The following WASF3 variants were observed in gnomAD, a reference collection of about 807,000 sequenced individuals.
WASF3 encodes the protein WASP family member 3.
In WASF3, 11 loss-of-function variants were observed where a neutral mutation model predicts 46.6. The observed-to-expected ratio is 0.24, with a 90% CI of 0.15 to 0.39. The LOEUF (loss-of-function observed/expected upper bound fraction) is 0.39. Among genes scored for constraint, WASF3 ranks in the 10% least tolerant of loss-of-function variants. WASF3 has a pLI of 1.00. For synonymous variants in WASF3, 242 were observed against 259.7 expected (o/e 0.93, Z 0.65); for missense variants, 576 against 669.8 (o/e 0.86, Z 1.55).
intron 5 of WASF3, among the ~76,000 whole-genome samples, chr13:26,671,303 G>A (rs747291684): frequency 6.6e-6 from 1 of 152,158 alleles, no homozygotes; most frequent in Non-Finnish European, 1.5e-5. Flanking sequence ...AAGTTTCTGT[G>A]TAGGTTACTT....
intron 2 of WASF3, among the ~76,000 whole-genome samples, chr13:26,615,667 A>G (rs571638963): frequency 5.3e-5 from 8 of 152,286 alleles, no homozygotes; most frequent in African/African-American, 1.9e-4. Flanking sequence ...AACTATGCTT[A>G]TTTAAAATGT....
chr13:26,575,080 C>T (rs1055098939), intron 1 of WASF3, among the ~76,000 whole-genome samples: 1 of 152,148 alleles, frequency 6.6e-6, no homozygotes, highest in Admixed American at 6.5e-5. Flanking sequence ...TTGTGATCCG[C>T]CCACCTTGGC....
rs141042895 is a variant in WASF3 at position 26,624,661 on chromosome 13, C to T, written c.-11+11603C>T. On this transcript the variant is annotated intron_variant, in intron 2 of 9. Coordinates refer to ENST00000335327, the MANE Select transcript of WASF3 (RefSeq NM_006646.6). The stretch of plus-strand genomic sequence containing the variant: ...AGGATTTTTTTTTTTAAGAACCCTC[C>T]AAGTTCTAGAAACACTGGAATCAAG... Among the ~76,000 whole-genome samples the T allele has an allele frequency of 6.6e-5, 10 of 152,010 alleles. No homozygotes were observed. In the East Asian group the frequency reaches 1.9e-3, roughly 29 times the overall value.
chr13:26,555,085 T>A (rs947163526), upstream of WASF3, among the ~76,000 whole-genome samples: 1 of 152,244 alleles, frequency 6.6e-6, no homozygotes, highest in Non-Finnish European at 1.5e-5. Flanking sequence ...TTAGCTTTTT[T>A]ATTTTAGCCA....
chr13:26,577,414 GA>G, intron 1 of WASF3: 1 of 787,618 alleles, frequency 1.3e-6, no homozygotes, highest in Admixed American at 1.7e-5. Flanking sequence ...GGGAGGTGCA[GA>G]AAAATGACTT....
chr13:26,568,094 A>G (rs1475605474), intron 1 of WASF3, among the ~76,000 whole-genome samples: 10 of 152,094 alleles, frequency 6.6e-5, no homozygotes, highest in Non-Finnish European at 1.0e-4. Flanking sequence ...CAGAGGTATT[A>G]AAGGGCCAGA....
intron 1 of WASF3, among the ~76,000 whole-genome samples, chr13:26,582,964 A>G (rs1024288879): frequency 2.0e-5 from 3 of 152,206 alleles, no homozygotes; most frequent in African/African-American, 7.2e-5. Flanking sequence ...TTGAGAGAAT[A>G]ATTAGTCAAT....
At chr13:26,653,763 G>A (rs1267392259) in intron 3 of WASF3, among the ~76,000 whole-genome samples, 1 of 152,174 alleles carries the variant, frequency 6.6e-6, no homozygotes, top group African/African-American at 2.4e-5. Context: ...TGCTGATGAT[G>A]TTCAAATGTG....
chr13:26,594,529 G>A (rs1880401793), intron 1 of WASF3, among the ~76,000 whole-genome samples: 1 of 152,172 alleles, frequency 6.6e-6, no homozygotes, highest in Non-Finnish European at 1.5e-5. Context: ...AGTGGCCTAA[G>A]CTTACTACCG....
chr13:26,547,900 G>A, the WASF3 span, among the ~76,000 whole-genome samples: 1 of 152,174 alleles, frequency 6.6e-6, no homozygotes, highest in Non-Finnish European at 1.5e-5. Context: ...GGCCTGTTGG[G>A]TGAGTTAATA....
intron 1 of WASF3, among the ~76,000 whole-genome samples, chr13:26,597,807 A>G (rs1880519741): frequency 6.6e-6 from 1 of 152,098 alleles, no homozygotes. Context: ...GTCATTTTTT[A>G]TGGCTGCATA....
the WASF3 span, among the ~76,000 whole-genome samples, chr13:26,546,064 C>T: frequency 3.9e-5 from 6 of 152,120 alleles, no homozygotes; most frequent in East Asian, 1.9e-4. Context: ...TGCTTCTTTT[C>T]TTTAAAATTT....
At chr13:26,562,325 C>T (rs568219220) in intron 1 of WASF3, among the ~76,000 whole-genome samples, 1 of 152,142 alleles carries the variant, frequency 6.6e-6, no homozygotes, top group East Asian at 1.9e-4. Flanking sequence ...GCAGGCAGGG[C>T]GTGCTCAGCT....
At chr13:26,668,532 T>G (rs1882838169) in intron 5 of WASF3, among the ~76,000 whole-genome samples, 1 of 152,250 alleles carries the variant, frequency 6.6e-6, no homozygotes, top group Non-Finnish European at 1.5e-5. Flanking sequence ...AGTTCTCCAC[T>G]TCCATTACTA....
At chr13:26,640,830 T>C (rs1157180158) in intron 2 of WASF3, 1 of 152,252 alleles carries the variant, frequency 6.6e-6, no homozygotes. Flanking sequence ...TGGTGCACTC[T>C]GGGTGCTTGG....
At chr13:26,552,324 A>G in the WASF3 span, among the ~76,000 whole-genome samples, 14 of 152,332 alleles carry the variant, frequency 9.2e-5, no homozygotes, top group African/African-American at 3.1e-4. Flanking sequence ...TGTTATTTTT[A>G]CCTTCTCATA....
At chr13:26,618,653 A>G (rs972508847) in intron 2 of WASF3, 1 of 152,062 alleles carries the variant, frequency 6.6e-6, no homozygotes, top group Admixed American at 6.6e-5. Flanking sequence ...CCTTTCCCCT[A>G]TTGGTAGTCA....
rs183511840 is a variant in WASF3 at position 26,628,507 on chromosome 13, G to C, written c.-10-13754G>C. On this transcript the variant is annotated intron_variant, in intron 2 of 9. Transcript: ENST00000335327. ...AGCTACCTGGCTCCTCCCAGGAGGA[G>C]ATGCCAAGGTAGGATTACAAGTTCA... 9.2e-5 allele frequency among the ~76,000 whole-genome samples: 14 copies of C among 152,320 alleles called. 1 individual carries two copies. In the East Asian group the frequency reaches 2.7e-3, roughly 29 times the overall value.
In WASF3 at chr13:26,686,778, T is replaced by G. The variant is rs1462175534; in HGVS notation, c.*933T>G. ...AGTTTCCTGACACCTGTGTCCTGAG[T>G]GAGCCGCAGGAGTTCTTAGCTCCTC... On this transcript the variant is annotated 3_prime_UTR_variant, in exon 10 of 10. Transcript: ENST00000335327. The G allele has an allele frequency of 6.6e-6, 1 of 152,248 alleles. No individual in the cohort carries two copies. The highest frequency in any genetic ancestry group is 1.5e-5 in the Non-Finnish European group (1 of 68,066). 9.4% of individuals were successfully genotyped at this position (152,248 alleles called of 1,614,324 possible). A position where few individuals can be genotyped will look rare whatever the true frequency, so the allele number is the denominator to read the frequency against.
Sources: gnomAD v4.1 joint callset for allele counts (sites outside exome capture counted in the v4.1 genomes callset) on GRCh38, gnomAD v4.1.1 for gene constraint, MANE v1.5 for transcripts, NCBI Gene and HGNC (gene_info 2026-07-23, HGNC 2026-07-21) for gene names.